The following CA6 variants were observed in gnomAD, a reference collection of about 807,000 sequenced individuals.
CA6 encodes the protein carbonate dehydratase VI.
In CA6, 28 loss-of-function variants were observed where a neutral mutation model predicts 35.9. The ratio of observed to expected loss-of-function variants is 0.78; its 90% CI spans 0.58 to 1.07. The LOEUF (loss-of-function observed/expected upper bound fraction) is 1.07, where lower values mean the gene tolerates loss of function less well. Among genes scored for constraint, CA6 ranks in the 50% least tolerant of loss-of-function variants. The pLI is 0.00. For synonymous variants in CA6, 148 were observed against 152.6 expected (o/e 0.97, Z 0.22); for missense variants, 377 against 382.0 (o/e 0.99, Z 0.11).
chr1:8,967,725 A>G lies in CA6; in HGVS notation c.638A>G (p.Tyr213Cys). 2 of 1,613,900 alleles carry G rather than the reference A, an allele frequency of 1.2e-6. No individual in the cohort carries two copies. Residue 213 changes from tyrosine (Y) to cysteine (C), a missense_variant, in exon 6 of 8, where the codon TAC (tyrosine) becomes TGC (cysteine). Physicochemically the swap from Tyr to Cys is radical, Grantham distance 194. Transcript: ENST00000377443. ...DMLPRNLQHY[Y>C]TYHGSLTTPP... Reference sequence around the variant, plus strand: ...CTGCCCAGGAACCTCCAGCACTACTACACCTACCATGGCTCACTCACCACG... The same window carrying G: ...CTGCCCAGGAACCTCCAGCACTACTGCACCTACCATGGCTCACTCACCACG...
In CA6 at chr1:8,951,977, G is replaced by A. The variant is rs529330359; in HGVS notation, c.259+2535G>A. ...TGGGACTACAGGCATGTGCCACCAC[G>A]CCCAGCTAATTTTTGTATTTTTAGT... On this transcript the variant is annotated intron_variant, in intron 2 of 7. Transcript: ENST00000377443. The A allele has an allele frequency of 4.1e-4, 67 of 161,544 alleles. 1 individual carries two copies. Among genetic ancestry groups the A allele is most frequent in the African/African-American group, 1.2e-3 (51 of 41,260 alleles). 10.0% of individuals were successfully genotyped at this position (161,544 alleles called of 1,614,324 possible).
chr1:8,967,820 A>G lies in CA6; in HGVS notation c.729+4A>G. 1 of 1,613,456 alleles carries G rather than the reference A, an allele frequency of 6.2e-7. No homozygotes were observed. The highest frequency in any genetic ancestry group is 8.5e-7 in the Non-Finnish European group (1 of 1,179,714). The stretch of plus-strand genomic sequence containing the variant: ...TGTCAAGCTCTCCAGGACACAGGTA[A>G]TGTATGGTATCACTTTGCCGAAGTC... On this transcript the variant is annotated splice_donor_region_variant and intron_variant, in intron 6 of 7. Coordinates refer to ENST00000377443, the MANE Select transcript of CA6 (RefSeq NM_001215.4).
Position 8,974,219 on chromosome 1 carries a change from G to A in CA6, c.845-403G>A, listed in dbSNP as rs781152423. ...GTTCTGTAGAGAACTGTATCCCAGCGGGGTTGATATGATTAACCCACCTGC... is the reference window on the plus strand; with the variant it reads ...GTTCTGTAGAGAACTGTATCCCAGCAGGGTTGATATGATTAACCCACCTGC... On this transcript the variant is annotated intron_variant, in intron 7 of 7. Transcript: ENST00000377443. 14 of 573,778 alleles carry A rather than the reference G, an allele frequency of 2.4e-5. 1 individual carries two copies. The highest frequency in any genetic ancestry group is 2.6e-4 in the Middle Eastern group (1 of 3,804). 35.5% of individuals were successfully genotyped at this position (573,778 alleles called of 1,614,324 possible). A position where few individuals can be genotyped will look rare whatever the true frequency, so the allele number is the denominator to read the frequency against.
chr1:8,967,633 C>G (rs1432906495), intron 5 of CA6, 26 bp from the exon 6 acceptor site: 2 of 1,609,572 alleles, frequency 1.2e-6, no homozygotes, highest in Non-Finnish European at 1.7e-6. Context: ...CCCTGACATT[C>G]TGTTACCTTC....
At chr1:8,956,440 A>C (rs1305349601) in intron 2 of CA6, among the ~76,000 whole-genome samples, 1 of 152,062 alleles carries the variant, frequency 6.6e-6, no homozygotes, top group Admixed American at 6.6e-5. Flanking sequence ...CAGGTGGATC[A>C]CTTGAGGTCA....
Position 8,974,736 on chromosome 1 carries a change from A to G in CA6, c.*32A>G. Reference sequence around the variant, plus strand: ...CTAAGAGGAAGATTCAATATTAACTAGCTTGAAGCCTGACCTAGCCAGAAG... The same window carrying G: ...CTAAGAGGAAGATTCAATATTAACTGGCTTGAAGCCTGACCTAGCCAGAAG... On this transcript the variant is annotated 3_prime_UTR_variant, in exon 8 of 8. Coordinates refer to ENST00000377443, the MANE Select transcript of CA6 (RefSeq NM_001215.4). The G allele has an allele frequency of 7.0e-7, 1 of 1,420,340 alleles. No individual in the cohort carries two copies. Among genetic ancestry groups the G allele is most frequent in the Non-Finnish European group, 9.7e-7 (1 of 1,034,572 alleles). The allele number at this position is 1,420,340 out of a possible 1,614,324, so 88.0% of individuals were successfully genotyped here. A position where few individuals can be genotyped will look rare whatever the true frequency, so the allele number is the denominator to read the frequency against.
intron 7 of CA6, chr1:8,974,304 C>T: frequency 7.8e-7 from 1 of 1,281,686 alleles, no homozygotes; most frequent in Non-Finnish European, 1.0e-6. Flanking sequence ...CAAATACGGA[C>T]CTCTTGCGAT....
At chr1:8,958,177 T>C (rs1191355024) in intron 3 of CA6, among the ~76,000 whole-genome samples, 1 of 152,024 alleles carries the variant, frequency 6.6e-6, no homozygotes, top group East Asian at 1.9e-4. Flanking sequence ...TTCTTTTTTT[T>C]TGTTTCTTGA....
At chr1:8,972,473 C>G (rs1396845748) in intron 7 of CA6, among the ~76,000 whole-genome samples, 7 of 152,114 alleles carry the variant, frequency 4.6e-5, no homozygotes, top group Non-Finnish European at 8.8e-5. Context: ...GAGATCGAGA[C>G]CATCTTGGCT....
At chr1:8,961,159 A>G (rs574427671) in intron 4 of CA6, among the ~76,000 whole-genome samples, 15 of 152,232 alleles carry the variant, frequency 9.9e-5, no homozygotes, top group Non-Finnish European at 1.6e-4. Flanking sequence ...GAAAACCAGT[A>G]TAATTGCTAG....
At chr1:8,960,789 C>CACATATATATAT (rs59987426) in intron 4 of CA6, among the ~76,000 whole-genome samples, 2,237 of 116,522 alleles carry the variant, frequency 0.019, 44 homozygotes, top group Non-Finnish European at 0.029. Context: ...CACACACACA[C>CACATATATATAT]ATATATATAA....
chr1:8,970,280 T>G (rs911613913), intron 6 of CA6, among the ~76,000 whole-genome samples: 34 of 151,152 alleles, frequency 2.2e-4, no homozygotes, highest in African/African-American at 8.0e-4. Context: ...CCACTTGATA[T>G]ATTTCTGCTT....
rs144483907 is a variant in CA6, at chr1:8,967,750, G to A, written c.663G>A (p.Thr221=). The A allele has an allele frequency of 6.3e-5, 101 of 1,613,968 alleles. 1 individual carries two copies. In the East Asian group the frequency reaches 1.4e-3, roughly 22 times the overall value. The change falls in exon 6 of 8, where the codon ACG becomes ACA. Residue 221 remains threonine (T), a synonymous_variant. Transcript: ENST00000377443. ...ACACCTACCATGGCTCACTCACCAC[G>A]CCTCCCTGCACTGAGAACGTCCACT... is the stretch of plus-strand genomic sequence containing the variant. ...HYYTYHGSLT[T]PPCTENVHWF... is the part of the protein sequence containing the mutation.
In CA6 at chr1:8,958,762, T is replaced by C. The variant is rs989406945; in HGVS notation, c.409-148T>C. The C allele has an allele frequency of 5.4e-6, 3 of 551,700 alleles. No homozygotes were observed. The African/African-American group carries it at 5.8e-5, about 11-fold the overall frequency. The allele number at this position is 551,700 out of a possible 1,614,324, so 34.2% of individuals were successfully genotyped here. A position where few individuals can be genotyped will look rare whatever the true frequency, so the allele number is the denominator to read the frequency against. ...TGATAGATAGGAATTGCAGCCCAGA[T>C]GGAGAGAGATGGAGGTCCAAGTTGC... On this transcript the variant is annotated intron_variant, in intron 3 of 7. Transcript: ENST00000377443.
Position 8,974,435 on chromosome 1 carries a change from A to T in CA6, c.845-187A>T, listed in dbSNP as rs1381370179. The T allele has an allele frequency of 2.6e-6, 4 of 1,528,028 alleles. 1 individual carries two copies. In the South Asian group the frequency reaches 4.9e-5, roughly 19 times the overall value. 94.7% of individuals were successfully genotyped at this position (1,528,028 alleles called of 1,614,324 possible). A position where few individuals can be genotyped will look rare whatever the true frequency, so the allele number is the denominator to read the frequency against. ...GCCACCCCTTGGCTCTGGGCAGCTT[A>T]GAAGCCTGAGTTCAAACACAGTGAA... On this transcript the variant is annotated intron_variant, in intron 7 of 7. Coordinates refer to ENST00000377443, the MANE Select transcript of CA6 (RefSeq NM_001215.4).
chr1:8,949,401 C>T lies in CA6; in HGVS notation c.218C>T (p.Thr73Ile). The part of the protein sequence containing the change: ...LKGLNMTGYE[T>I]QAGEFPMVNN... ...GGGCTCAATATGACAGGCTATGAGA[C>T]CCAGGCAGGGGAGTTCCCCATGGTC... The change falls in exon 2 of 8, where the codon ACC becomes ATC. Residue 73 changes from threonine (T) to isoleucine (I), a missense_variant. Coordinates refer to ENST00000377443, the MANE Select transcript of CA6 (RefSeq NM_001215.4). 1.9e-6 allele frequency: 3 copies of T among 1,613,264 alleles called. No homozygotes were observed. The highest frequency in any genetic ancestry group is 2.5e-6 in the Non-Finnish European group (3 of 1,179,578).
At chr1:8,961,334 T>C (rs1367614825) in intron 4 of CA6, among the ~76,000 whole-genome samples, 1 of 152,200 alleles carries the variant, frequency 6.6e-6, no homozygotes, top group Non-Finnish European at 1.5e-5. Context: ...TAATTTCTTT[T>C]TAAAAACCAT....
chr1:8,958,577 GCCC>G (rs1639752149), intron 3 of CA6, among the ~76,000 whole-genome samples: 1 of 152,194 alleles, frequency 6.6e-6, no homozygotes, highest in Admixed American at 6.5e-5. Context: ...TCCCTGCAAA[GCCC>G]CCAGACACTC....
chr1:8,967,504 G>C (rs1356578248), intron 5 of CA6, among the ~76,000 whole-genome samples, 155 bp from the exon 6 acceptor site: 1 of 152,090 alleles, frequency 6.6e-6, no homozygotes, highest in East Asian at 1.9e-4. Flanking sequence ...ATCCCTTCCA[G>C]GAAGAAGTAA....
Sources: gnomAD v4.1 joint callset for allele counts (sites outside exome capture counted in the v4.1 genomes callset) on GRCh38, gnomAD v4.1.1 for gene constraint, MANE v1.5 for transcripts, NCBI Gene and HGNC (gene_info 2026-07-23, HGNC 2026-07-21) for gene names.